Variants in FOXP1 observed in about 807,000 individuals in gnomAD.
FOXP1 encodes forkhead box protein P1.
In FOXP1, 15 loss-of-function variants were observed where a neutral mutation model predicts 98.2. The observed-to-expected ratio is 0.15, with a 90% CI of 0.10 to 0.24. The LOEUF (loss-of-function observed/expected upper bound fraction) is 0.24, where lower values mean the gene tolerates loss of function less well. FOXP1 is among the 10% of genes least tolerant of loss of function. FOXP1 has a pLI of 1.00. For missense variants in FOXP1, 633 were observed against 848.5 expected (o/e 0.75, Z 3.15); for synonymous variants, 371 against 314.5 (o/e 1.18, Z -1.90).
chr3:71,112,668 T>C, intron 6 of FOXP1, 31 bp from the exon 7 acceptor site: 1 of 1,518,224 alleles, frequency 6.6e-7, no homozygotes, highest in Non-Finnish European at 9.2e-7. Flanking sequence ...ATCCTTTGCG[T>C]TACTACACAG....
intron 2 of FOXP1, among the ~76,000 whole-genome samples, chr3:71,551,596 A>C (rs548516076): frequency 6.6e-6 from 1 of 152,360 alleles, no homozygotes; most frequent in East Asian, 1.9e-4. Flanking sequence ...AACTTCTGGC[A>C]TATGAAACAA....
intron 2 of FOXP1, among the ~76,000 whole-genome samples, chr3:71,521,608 A>T (rs2042997228): frequency 6.6e-6 from 1 of 152,060 alleles, no homozygotes; most frequent in Non-Finnish European, 1.5e-5. Context: ...TAAATCAATG[A>T]CCTGAGAGCC....
intron 6 of FOXP1, among the ~76,000 whole-genome samples, chr3:71,190,710 C>A (rs2062927963): frequency 6.6e-6 from 1 of 150,884 alleles, no homozygotes; most frequent in South Asian, 2.1e-4. Context: ...TAAATTGCAG[C>A]TGTTTTCTAG....
intron 14 of FOXP1, among the ~76,000 whole-genome samples, chr3:70,983,106 A>C (rs557277967): frequency 6.6e-6 from 1 of 152,188 alleles, no homozygotes. Context: ...GGCCGTGCGG[A>C]GGGCAGGACA....
intron 3 of FOXP1, among the ~76,000 whole-genome samples, chr3:71,454,509 G>A (rs2087263319): frequency 6.6e-6 from 1 of 152,054 alleles, no homozygotes; most frequent in Non-Finnish European, 1.5e-5. Flanking sequence ...ATAAATGACT[G>A]AACCTTGAGG....
chr3:71,581,702 A>T lies in FOXP1; in HGVS notation c.-446-5T>A. ...CCTCTTACAAACTTTCGGGTTCTGCAGTCGACAAGAAACCGGGGCGACCCT... is the reference window on the plus strand; with the variant it reads ...CCTCTTACAAACTTTCGGGTTCTGCTGTCGACAAGAAACCGGGGCGACCCT... On this transcript the variant is annotated splice_region_variant and splice_polypyrimidine_tract_variant and intron_variant, in intron 1 of 20. Coordinates refer to ENST00000649528, the MANE Select transcript of FOXP1 (RefSeq NM_001349338.3). 1 of 985,614 alleles carries T rather than the reference A, an allele frequency of 1.0e-6. No homozygotes were observed. Among genetic ancestry groups the T allele is most frequent in the Non-Finnish European group, 1.2e-6 (1 of 830,076 alleles). 61.1% of individuals were successfully genotyped at this position (985,614 alleles called of 1,614,324 possible).
At chr3:71,388,457 G>A (rs74362988) in intron 3 of FOXP1, among the ~76,000 whole-genome samples, 2,745 of 152,176 alleles carry the variant, frequency 0.018, 91 homozygotes, top group African/African-American at 0.062. Context: ...ACCCGAACAT[G>A]CATTACTTCA....
Position 70,970,756 on chromosome 3 carries a change from G to T in FOXP1, c.1702C>A (p.Pro568Thr). Residue 568 changes from proline (P) to threonine (T), a missense_variant, in exon 19 of 21, where the codon CCT becomes ACT. By Grantham distance (38) the Pro-to-Thr change is conservative (BLOSUM62 -1). Coordinates refer to ENST00000649528, the MANE Select transcript of FOXP1 (RefSeq NM_001349338.3). ...CTTACCTGTAAAGCTGCATTGAGAG[G>T]TGTGCAGTAGGCGTGGCTGCTCTGC... ...NMQSSHAYCT[P>T]LNAALQASMA... is the part of the protein sequence containing the mutation. The T allele has an allele frequency of 6.2e-7, 1 of 1,613,832 alleles. No individual in the cohort carries two copies. Among genetic ancestry groups the T allele is most frequent in the Non-Finnish European group, 8.5e-7 (1 of 1,179,706 alleles).
chr3:71,473,368 C>T (rs555626491), intron 3 of FOXP1, among the ~76,000 whole-genome samples: 88 of 151,736 alleles, frequency 5.8e-4, no homozygotes, highest in African/African-American at 1.8e-3. Context: ...TAGATAGGAT[C>T]GATGTGAAAA....
At chr3:71,010,987 G>A (rs905116755) in intron 12 of FOXP1, among the ~76,000 whole-genome samples, 2 of 152,070 alleles carry the variant, frequency 1.3e-5, no homozygotes, top group East Asian at 1.9e-4. Flanking sequence ...CAGAGAAGTG[G>A]GAAATGTGAA....
chr3:71,475,016 C>T (rs139736011), intron 3 of FOXP1, among the ~76,000 whole-genome samples: 30 of 152,154 alleles, frequency 2.0e-4, no homozygotes, highest in East Asian at 1.7e-3. Context: ...CACTGCCATC[C>T]GCTGTGTCAG....
intron 12 of FOXP1, among the ~76,000 whole-genome samples, chr3:71,011,605 CATTT>C (rs1231208847): frequency 2.0e-5 from 3 of 152,152 alleles, no homozygotes; most frequent in South Asian, 2.1e-4. Flanking sequence ...TATCATCCCT[CATTT>C]ATTTATTTAT....
At chr3:71,398,250 G>A (rs2081691968) in intron 3 of FOXP1, among the ~76,000 whole-genome samples, 1 of 152,186 alleles carries the variant, frequency 6.6e-6, no homozygotes, top group Non-Finnish European at 1.5e-5. Flanking sequence ...CAATATGTAT[G>A]TCAACAGTGC....
chr3:70,972,740 G>A (rs930725664), intron 17 of FOXP1, 64 bp from the exon 18 acceptor site: 10 of 1,547,878 alleles, frequency 6.5e-6, no homozygotes, highest in Non-Finnish European at 8.0e-6. Context: ...AAAAACAGCA[G>A]TAAATTCAGC....
At chr3:71,354,978 C>G (rs1180066221) in intron 4 of FOXP1, among the ~76,000 whole-genome samples, 2 of 152,206 alleles carry the variant, frequency 1.3e-5, no homozygotes, top group Non-Finnish European at 2.9e-5. Context: ...GTACCACCCA[C>G]AATATCCTTC....
intron 2 of FOXP1, among the ~76,000 whole-genome samples, chr3:71,528,894 G>C (rs548169615): frequency 1.8e-4 from 27 of 152,308 alleles, no homozygotes; most frequent in Admixed American, 2.0e-4. Flanking sequence ...AGACAGTCTT[G>C]AAGTATGAAG....
chr3:71,056,405 T>G (rs1376630816), intron 7 of FOXP1, among the ~76,000 whole-genome samples: 5 of 152,174 alleles, frequency 3.3e-5, no homozygotes, highest in African/African-American at 1.2e-4. Flanking sequence ...CATTTATTCA[T>G]TTTTTTGCAG....
intron 3 of FOXP1, among the ~76,000 whole-genome samples, chr3:71,376,930 T>C (rs935970097): frequency 2.6e-5 from 4 of 151,812 alleles, no homozygotes; most frequent in African/African-American, 9.7e-5. Context: ...TATGTATTCT[T>C]TTTTTTTAAC....
chr3:71,028,358 G>A (rs2046412600), intron 11 of FOXP1, among the ~76,000 whole-genome samples: 1 of 152,250 alleles, frequency 6.6e-6, no homozygotes, highest in African/African-American at 2.4e-5. Context: ...CTCAGAGTAC[G>A]GGTCTGGAAC....
Sources: gnomAD v4.1 joint callset for allele counts (sites outside exome capture counted in the v4.1 genomes callset) on GRCh38, gnomAD v4.1.1 for gene constraint, MANE v1.5 for transcripts, NCBI Gene and HGNC (gene_info 2026-07-23, HGNC 2026-07-21) for gene names.